The following HSPG2 variants were observed in gnomAD, a reference collection of about 807,000 sequenced individuals.
The protein encoded by HSPG2 is heparan sulfate proteoglycan 2.
HSPG2 carries 278 observed loss-of-function variants against 526.6 expected under a neutral mutation model. The ratio of observed to expected loss-of-function variants is 0.53; its 90% CI spans 0.48 to 0.58. HSPG2 has a LOEUF of 0.58. Ranked by LOEUF, HSPG2 falls within the 20% of genes least tolerant of loss-of-function variation. The pLI, the probability that HSPG2 is intolerant of heterozygous loss-of-function variation, is 0.00. For synonymous variants in HSPG2, 2,465 were observed against 2,555.4 expected (o/e 0.96, Z 1.07); for missense variants, 5,354 against 6,099.5 (o/e 0.88, Z 4.07).
Position 21,847,258 on chromosome 1 carries a change from G to T in HSPG2, c.8164+96C>A. 1 of 1,413,890 alleles carries T rather than the reference G, an allele frequency of 7.1e-7. No individual in the cohort carries two copies. The highest frequency in any genetic ancestry group is 1.0e-6 in the Non-Finnish European group (1 of 1,003,758). 87.6% of individuals were successfully genotyped at this position (1,413,890 alleles called of 1,614,324 possible). ...CGCATCTTTCCGCTGGCCCTTGCCT[G>T]AGTACCACCAGGTCTGAGGACTCTG... On this transcript the variant is annotated intron_variant, in intron 62 of 96. Coordinates refer to ENST00000374695, the MANE Select transcript of HSPG2 (RefSeq NM_005529.7). The surrounding 1 kb of genome is among the most constrained non-coding windows in gnomAD (Gnocchi z 4.1).
chr1:21,921,643 A>T (rs1644041305), intron 1 of HSPG2, among the ~76,000 whole-genome samples: 1 of 152,170 alleles, frequency 6.6e-6, no homozygotes, highest in South Asian at 2.1e-4. Context: ...CACTCAGAGT[A>T]ATCATTAACC....
In HSPG2 at chr1:21,896,268, C is replaced by T; in HGVS notation, c.106G>A (p.Glu36Lys). The T allele has an allele frequency of 6.2e-7, 1 of 1,613,928 alleles. No homozygotes were observed. The highest frequency in any genetic ancestry group is 8.5e-7 in the Non-Finnish European group (1 of 1,179,982). Reference sequence around the variant, plus strand: ...CTTGCTGTGACGGTCTCTATGTCCTCAGGCAGAGACAAGCCATCGTATGCC... The same window carrying T: ...CTTGCTGTGACGGTCTCTATGTCCTTAGGCAGAGACAAGCCATCGTATGCC... ...LRAYDGLSLPEDIETVTASQM... is the reference protein window; with the variant it reads ...LRAYDGLSLPKDIETVTASQM... Residue 36 changes from glutamate (E) to lysine (K), a missense_variant, in exon 2 of 97, where the codon GAG becomes AAG. Glu to Lys is a moderately conservative substitution (Grantham distance 56). Coordinates refer to ENST00000374695, the MANE Select transcript of HSPG2 (RefSeq NM_005529.7).
Position 21,916,867 on chromosome 1 carries a change from T to C in HSPG2, c.63+20288A>G, listed in dbSNP as rs535483425. The stretch of plus-strand genomic sequence containing the variant: ...ATCTCCATTTTACAAAGGAGGAAAC[T>C]GAGGTTTGCCAAGGCTGCACAGCTG... On this transcript the variant is annotated intron_variant, in intron 1 of 96. Coordinates refer to ENST00000374695, the MANE Select transcript of HSPG2 (RefSeq NM_005529.7). Among the ~76,000 whole-genome samples the C allele has an allele frequency of 5.9e-5, 9 of 152,276 alleles. No individual in the cohort carries two copies. In the South Asian group the frequency reaches 1.2e-3, roughly 21 times the overall value.
rs889306050 is a variant in HSPG2, at chr1:21,872,528, G to A, written c.4029+92C>T. 69 of 1,476,934 alleles carry A rather than the reference G, an allele frequency of 4.7e-5. No homozygotes were observed. In the Middle Eastern group the frequency reaches 9.2e-4, roughly 20 times the overall value. 91.5% of individuals were successfully genotyped at this position (1,476,934 alleles called of 1,614,324 possible). On this transcript the variant is annotated intron_variant, in intron 32 of 96. Coordinates refer to ENST00000374695, the MANE Select transcript of HSPG2 (RefSeq NM_005529.7). The surrounding 1 kb of genome is among the most constrained non-coding windows in gnomAD (Gnocchi z 5.5). ...TGGGGGCATGTGAGGGTACTGAGGC[G>A]GGGATGAGGGTCGCTGGGCTCAGTG... is the stretch of plus-strand genomic sequence containing the variant.
chr1:21,849,170 C>T, intron 57 of HSPG2, 139 bp from the exon 58 acceptor site: 1 of 988,284 alleles, frequency 1.0e-6, no homozygotes, highest in Non-Finnish European at 1.5e-6. Context: ...AAACCACCTT[C>T]TCCCTTCCTA....
At position 21,864,393 on chromosome 1, in the gene HSPG2, C is replaced by T. The variant is rs560296837; in HGVS notation, c.4627-180G>A. Among the ~76,000 whole-genome samples the T allele has an allele frequency of 6.6e-6, 1 of 152,160 alleles. No homozygotes were observed. Among genetic ancestry groups the T allele is most frequent in the Admixed American group, 6.5e-5 (1 of 15,278 alleles). ...CCACCCACGGCCCTCTCCCAGTCCACACTGTTCACCTCTGGGAGGCATCTC... is the reference window on the plus strand; with the variant it reads ...CCACCCACGGCCCTCTCCCAGTCCATACTGTTCACCTCTGGGAGGCATCTC... On this transcript the variant is annotated intron_variant, in intron 36 of 96. Coordinates refer to ENST00000374695, the MANE Select transcript of HSPG2 (RefSeq NM_005529.7). The surrounding 1 kb of genome is among the most constrained non-coding windows in gnomAD (Gnocchi z 4.8).
At position 21,865,478 on chromosome 1, in the gene HSPG2, T is replaced by C. The variant is rs2152737073; in HGVS notation, c.4315-113A>G. 2 of 1,072,888 alleles carry C rather than the reference T, an allele frequency of 1.9e-6. No homozygotes were observed. The highest frequency in any genetic ancestry group is 2.8e-4 in the Middle Eastern group (1 of 3,602). The allele number at this position is 1,072,888 out of a possible 1,614,324, so 66.5% of individuals were successfully genotyped here. A position where few individuals can be genotyped will look rare whatever the true frequency, so the allele number is the denominator to read the frequency against. On this transcript the variant is annotated intron_variant, in intron 34 of 96. Transcript: ENST00000374695. This position sits in a 1 kb window ranked among gnomAD's most constrained non-coding sequence, Gnocchi z 5.4. ...CCCCCAGCCTCCCACCTCTCTGCTC[T>C]CCCAAGCTCATGCGCCCAAAGGAGT...
intron 40 of HSPG2, 41 bp from the exon 41 acceptor site, chr1:21,860,043 G>A (rs375708202): frequency 1.9e-6 from 3 of 1,604,984 alleles, no homozygotes; most frequent in African/African-American, 2.7e-5. Flanking sequence ...TTTCAGCATT[G>A]TCTTCAATAT....
chr1:21,877,188 CA>C (rs1213515633), intron 21 of HSPG2, among the ~76,000 whole-genome samples: 2 of 152,156 alleles, frequency 1.3e-5, no homozygotes, highest in Non-Finnish European at 2.9e-5. Context: ...CTTTGGCTGC[CA>C]GGGGGTTCAC....
chr1:21,869,574 G>C, intron 33 of HSPG2: 2 of 986,412 alleles, frequency 2.0e-6, no homozygotes, highest in Non-Finnish European at 2.4e-6. Context: ...GATGAGGAGA[G>C]AGCCCCTGGG....
intron 52 of HSPG2, 106 bp from the exon 53 acceptor site, chr1:21,852,339 C>A: frequency 7.1e-7 from 1 of 1,408,238 alleles, no homozygotes; most frequent in Non-Finnish European, 9.9e-7. Flanking sequence ...AGGCCAGATC[C>A]AGCTTTTCAG....
chr1:21,849,910 C>A, intron 57 of HSPG2, 131 bp downstream of exon 57: 1 of 1,122,056 alleles, frequency 8.9e-7, no homozygotes, highest in Non-Finnish European at 1.3e-6. Context: ...AAACTCCTGA[C>A]CTCGTGATCT....
chr1:21,843,194 G>T (rs2152707425), intron 66 of HSPG2, 103 bp downstream of exon 66: 6 of 1,529,536 alleles, frequency 3.9e-6, no homozygotes, highest in Middle Eastern at 2.1e-4. Flanking sequence ...AACCCCGCCT[G>T]CAGGCAACAA....
chr1:21,849,156 G>T, intron 57 of HSPG2, 125 bp from the exon 58 acceptor site: 1 of 1,152,556 alleles, frequency 8.7e-7, no homozygotes. Flanking sequence ...AACTCTTCCA[G>T]GGAAAACCAC....
At chr1:21,876,121 G>T in intron 23 of HSPG2, 79 bp from the exon 24 acceptor site, 1 of 1,579,534 alleles carries the variant, frequency 6.3e-7, no homozygotes, top group Non-Finnish European at 8.7e-7. Context: ...TTTCCATGCA[G>T]TGTATCTCAC....
In HSPG2 at chr1:21,878,179, C is replaced by T. The variant is rs376436752; in HGVS notation, c.2685+7G>A. On this transcript the variant is annotated splice_region_variant and intron_variant, in intron 21 of 96. Transcript: ENST00000374695. ...GCCCCTGGGTGGGTGGCAGATGGCA[C>T]GCGTACCTTACAGCGGCAGGCCTCC... 30 of 1,613,376 alleles carry T rather than the reference C, an allele frequency of 1.9e-5. No homozygotes were observed. Among genetic ancestry groups the T allele is most frequent in the South Asian group, 8.8e-5 (8 of 91,022 alleles).
intron 1 of HSPG2, among the ~76,000 whole-genome samples, chr1:21,933,738 G>C (rs1191640525): frequency 6.6e-6 from 1 of 152,244 alleles, no homozygotes; most frequent in African/African-American, 2.4e-5. Context: ...CCTGCAGACA[G>C]ACCTGCAGCC....
chr1:21,882,569 T>C (rs540009690), intron 13 of HSPG2, among the ~76,000 whole-genome samples: 6 of 152,156 alleles, frequency 3.9e-5, no homozygotes, highest in Admixed American at 1.3e-4. Context: ...AGCTGTTAGG[T>C]TGGTGAAAAA....
At chr1:21,915,979 A>T (rs191785365) in intron 1 of HSPG2, among the ~76,000 whole-genome samples, 96 of 148,592 alleles carry the variant, frequency 6.5e-4, no homozygotes, top group African/African-American at 2.3e-3. Flanking sequence ...TGAACCTGGG[A>T]GGCAGAGGTT....
Sources: allele counts gnomAD v4.1 joint callset (sites outside exome capture counted in the v4.1 genomes callset), GRCh38; gene constraint gnomAD v4.1.1; non-coding constraint Gnocchi (gnomAD v3.1); transcripts MANE v1.5; gene names NCBI Gene and HGNC (gene_info 2026-07-23, HGNC 2026-07-21).